Variants in ANO3 observed in about 807,000 individuals in gnomAD.
ANO3 encodes anoctamin-3.
In ANO3, 99 loss-of-function variants were observed where a neutral mutation model predicts 144.8. That is an observed-to-expected ratio of 0.68 (90% CI 0.58 to 0.81). The LOEUF (loss-of-function observed/expected upper bound fraction) is 0.81. Ranked by LOEUF, ANO3 falls within the 30% of genes least tolerant of loss-of-function variation. The pLI is 0.00. For synonymous variants in ANO3, 414 were observed against 392.6 expected, an observed-to-expected ratio of 1.05 and a Z score of -0.64; for missense variants, 905 against 1,202.2, an observed-to-expected ratio of 0.75 and a Z score of 3.66.
chr11:26,607,315 G>A (rs1165552268), intron 17 of ANO3, among the ~76,000 whole-genome samples: 4 of 152,034 alleles, frequency 2.6e-5, no homozygotes, highest in Non-Finnish European at 2.9e-5. Context: ...TAATCCTCTC[G>A]TGGAGTATCT....
chr11:26,621,780 A>G (rs1216590144), intron 17 of ANO3, among the ~76,000 whole-genome samples: 2 of 152,208 alleles, frequency 1.3e-5, no homozygotes, highest in Non-Finnish European at 1.5e-5. Context: ...ATTAATTAAT[A>G]TATATGAATA....
At chr11:26,229,986 G>T (rs1852354365) in intron 1 of ANO3, among the ~76,000 whole-genome samples, 1 of 152,156 alleles carries the variant, frequency 6.6e-6, no homozygotes, top group Admixed American at 6.6e-5. Context: ...TTCTGTGTCA[G>T]GATCAGAGCC....
chr11:26,408,573 C>T lies in ANO3; in HGVS notation c.47-33345C>T, dbSNP rs986312131. On this transcript the variant is annotated intron_variant, in intron 1 of 26. Transcript: ENST00000256737. ...ATTGTGGAAGTCGGTGTGGCGTTTC[C>T]TCAGGGATCTAGAACTAGAAATGCC... Among the ~76,000 whole-genome samples, 48 of 148,210 alleles carry T rather than the reference C, an allele frequency of 3.2e-4. No individual in the cohort carries two copies. In the South Asian group the frequency reaches 4.2e-3, roughly 13 times the overall value.
At chr11:26,234,962 G>A (rs980167031) in intron 1 of ANO3, among the ~76,000 whole-genome samples, 3 of 149,320 alleles carry the variant, frequency 2.0e-5, no homozygotes, top group Non-Finnish European at 3.0e-5. Flanking sequence ...GCTGATTGAT[G>A]TCTCAGCTCA....
intron 11 of ANO3, among the ~76,000 whole-genome samples, chr11:26,547,074 G>A (rs1849808125): frequency 6.6e-6 from 1 of 151,760 alleles, no homozygotes; most frequent in African/African-American, 2.4e-5. Flanking sequence ...TAATTTTCAT[G>A]AAAGCTATAT....
At chr11:26,376,294 A>G (rs1466078873) in intron 1 of ANO3, among the ~76,000 whole-genome samples, 4 of 152,106 alleles carry the variant, frequency 2.6e-5, no homozygotes, top group African/African-American at 9.7e-5. Flanking sequence ...ACCTTAACAG[A>G]CCCAATTTTG....
At chr11:26,488,969 G>T (rs370808227) in intron 4 of ANO3, among the ~76,000 whole-genome samples, 1 of 152,142 alleles carries the variant, frequency 6.6e-6, no homozygotes, top group Non-Finnish European at 1.5e-5. Flanking sequence ...AGTGCTGATT[G>T]GTGCGTTTAT....
chr11:26,652,052 C>T (rs1483149835), intron 24 of ANO3, among the ~76,000 whole-genome samples: 3 of 152,124 alleles, frequency 2.0e-5, no homozygotes, highest in Admixed American at 6.6e-5. Context: ...TACGCAGGTC[C>T]TTTCCCCCAT....
At chr11:26,202,273 A>G (rs1043841129) in intron 1 of ANO3, among the ~76,000 whole-genome samples, 1 of 145,762 alleles carries the variant, frequency 6.9e-6, no homozygotes, top group Non-Finnish European at 1.5e-5. Flanking sequence ...ATATCTATAT[A>G]ATATATATTA....
intron 6 of ANO3, among the ~76,000 whole-genome samples, chr11:26,521,078 G>A (rs1184053024): frequency 6.6e-6 from 1 of 151,980 alleles, no homozygotes; most frequent in Non-Finnish European, 1.5e-5. Flanking sequence ...TATTTACAAT[G>A]TACACTGGAA....
At chr11:26,602,221 G>A (rs571409994) in intron 17 of ANO3, among the ~76,000 whole-genome samples, 1 of 152,292 alleles carries the variant, frequency 6.6e-6, no homozygotes, top group African/African-American at 2.4e-5. Context: ...AATGGGAAGT[G>A]TCTGTGAAGC....
At chr11:26,287,545 G>C (rs1853836321) in intron 1 of ANO3, 1 of 152,152 alleles carries the variant, frequency 6.6e-6, no homozygotes, top group Non-Finnish European at 1.5e-5. Context: ...ATCTTCACCA[G>C]TATCCTGTTA....
intron 1 of ANO3, among the ~76,000 whole-genome samples, chr11:26,381,536 A>G (rs940700311): frequency 2.0e-5 from 3 of 152,110 alleles, no homozygotes; most frequent in African/African-American, 2.4e-5. Context: ...GTAGTTATTG[A>G]CTTTGTCTGA....
intron 14 of ANO3, chr11:26,563,145 C>A: frequency 6.2e-7 from 1 of 1,611,730 alleles, no homozygotes; most frequent in Non-Finnish European, 8.5e-7. Context: ...ATAAAGTCGC[C>A]GATGGGAAAA....
At chr11:26,236,582 G>T (rs1217828307) in intron 1 of ANO3, among the ~76,000 whole-genome samples, 1 of 152,090 alleles carries the variant, frequency 6.6e-6, no homozygotes, top group Non-Finnish European at 1.5e-5. Context: ...ACTTTGGGAG[G>T]CCAAGGTGGG....
At chr11:26,218,057 C>T (rs2133789633) in intron 1 of ANO3, among the ~76,000 whole-genome samples, 1 of 152,220 alleles carries the variant, frequency 6.6e-6, no homozygotes, top group Admixed American at 6.5e-5. Flanking sequence ...CCAGGAAAAT[C>T]ATAATAATTC....
chr11:26,239,067 G>A (rs1477630644), intron 1 of ANO3, among the ~76,000 whole-genome samples: 1 of 149,250 alleles, frequency 6.7e-6, no homozygotes, highest in East Asian at 1.9e-4. Flanking sequence ...ATTATAATTT[G>A]GATTAACTGT....
rs146557422 is a variant in ANO3 at position 26,540,163 on chromosome 11, G to GA, written c.1033-1775dup. ...TTTTTGAAAGAGGATATACAGAATT[G>GA]AAAAAAAAATCCTTCAATTTTTTGA... On this transcript the variant is annotated intron_variant, in intron 10 of 26. Coordinates refer to ENST00000256737, the MANE Select transcript of ANO3 (RefSeq NM_031418.4). Among the ~76,000 whole-genome samples the GA allele has an allele frequency of 9.1e-3, 1,371 of 150,480 alleles. 6 individuals carry two copies. Among genetic ancestry groups the GA allele is most frequent in the Middle Eastern group, 0.014 (4 of 292 alleles).
intron 4 of ANO3, chr11:26,474,275 T>C (rs1859881063): frequency 5.1e-6 from 1 of 197,468 alleles, no homozygotes; most frequent in Admixed American, 6.5e-5. Context: ...TAGATATATA[T>C]TTTAAAGTAA....
Sources: allele counts gnomAD v4.1 joint callset (sites outside exome capture counted in the v4.1 genomes callset), GRCh38; gene constraint gnomAD v4.1.1; transcripts MANE v1.5; gene names NCBI Gene and HGNC (gene_info 2026-07-23, HGNC 2026-07-21).